NOMO2: variants seen among roughly 807,000 people sequenced by gnomAD.
NOMO2 encodes BOS complex subunit NOMO2.
A neutral mutation model predicts 67.1 loss-of-function variants in NOMO2; 14 were observed. The observed-to-expected ratio is 0.21, with a 90% CI of 0.14 to 0.33. The LOEUF (loss-of-function observed/expected upper bound fraction) is 0.33. NOMO2 is among the 10% of genes least tolerant of loss of function. NOMO2 has a pLI of 1.00. For missense variants in NOMO2, 178 were observed against 761.0 expected (o/e 0.23, Z 9.01); for synonymous variants, 80 against 305.9 (o/e 0.26, Z 7.71).
chr16:18,543,103 C>T (rs1186497069), intron 7 of NOMO2, among the ~76,000 whole-genome samples: 1 of 132,170 alleles, frequency 7.6e-6, no homozygotes, highest in Non-Finnish European at 1.6e-5. Flanking sequence ...AGCCTGTGTA[C>T]TTTCCATCAC....
At chr16:18,552,811 G>A (rs1367643079) in intron 3 of NOMO2, among the ~76,000 whole-genome samples, 1 of 151,918 alleles carries the variant, frequency 6.6e-6, no homozygotes, top group African/African-American at 2.4e-5. Context: ...CAGCTCTATG[G>A]CTCAGCGACT....
intron 14 of NOMO2, among the ~76,000 whole-genome samples, chr16:18,529,841 G>A (rs1423770900): frequency 5.3e-5 from 8 of 151,366 alleles, no homozygotes; most frequent in African/African-American, 1.5e-4. Context: ...GGAGTCGAGC[G>A]TGGTGGCTCA....
intron 15 of NOMO2, among the ~76,000 whole-genome samples, chr16:18,528,897 G>A (rs1286940585): frequency 1.4e-5 from 2 of 145,794 alleles, no homozygotes; most frequent in Non-Finnish European, 3.0e-5. Context: ...GAACTCGGGA[G>A]GCGGAGGTTT....
intron 2 of NOMO2, among the ~76,000 whole-genome samples, chr16:18,557,058 T>C (rs1305902846): frequency 2.0e-5 from 3 of 150,904 alleles, no homozygotes; most frequent in African/African-American, 7.3e-5. Context: ...ACCTGGGGGG[T>C]GGAGGTTGGA....
intron 16 of NOMO2, among the ~76,000 whole-genome samples, chr16:18,526,725 G>A (rs938969596): frequency 6.6e-6 from 1 of 151,938 alleles, no homozygotes; most frequent in South Asian, 2.1e-4. Flanking sequence ...ATAGATCAGT[G>A]GCTGGCCATG....
intron 14 of NOMO2, among the ~76,000 whole-genome samples, chr16:18,530,589 C>CT (rs1442537827): frequency 1.7e-4 from 25 of 145,170 alleles, no homozygotes; most frequent in Admixed American, 1.5e-3. Flanking sequence ...GCACAACGGG[C>CT]TTTATAAACT....
At chr16:18,533,522 G>A (rs1424946457) in intron 11 of NOMO2, 10 of 211,336 alleles carry the variant, frequency 4.7e-5, no homozygotes, top group South Asian at 1.5e-4. Flanking sequence ...TAATTGGATC[G>A]TTGACAGCGG....
Position 18,540,061 on chromosome 16 carries a change from T to G in NOMO2, c.964-1097A>C, listed in dbSNP as rs558342683. 4.0e-5 allele frequency among the ~76,000 whole-genome samples: 6 copies of G among 151,750 alleles called. No individual in the cohort carries two copies. The South Asian group carries it at 1.3e-3, about 32-fold the overall frequency. Reference sequence around the variant, plus strand: ...GAGACAGGGACTTTTTCTGTCTTAGTCACCTGGTACACAGCAGGCACTCAA... The same window carrying G: ...GAGACAGGGACTTTTTCTGTCTTAGGCACCTGGTACACAGCAGGCACTCAA... On this transcript the variant is annotated intron_variant, in intron 9 of 30. Coordinates refer to ENST00000622306, the MANE Select transcript of NOMO2 (RefSeq NM_173614.4).
chr16:18,536,689 AG>A (rs1378172744), intron 11 of NOMO2, among the ~76,000 whole-genome samples: 1 of 152,164 alleles, frequency 6.6e-6, no homozygotes, highest in Non-Finnish European at 1.5e-5. Flanking sequence ...TCTCCCTGGA[AG>A]GGTGAAAGCC....
chr16:18,547,497 T>C (rs990306034), intron 5 of NOMO2, among the ~76,000 whole-genome samples, 197 bp from the exon 6 acceptor site: 1 of 151,944 alleles, frequency 6.6e-6, no homozygotes, highest in Admixed American at 6.6e-5. Flanking sequence ...GCACTTACTG[T>C]GTGTCAAGAG....
chr16:18,556,426 G>A (rs1344391678), intron 2 of NOMO2, among the ~76,000 whole-genome samples: 2 of 150,352 alleles, frequency 1.3e-5, no homozygotes, highest in Non-Finnish European at 3.0e-5. Flanking sequence ...CTGGCTGACA[G>A]AGTGAGACTC....
intron 5 of NOMO2, among the ~76,000 whole-genome samples, chr16:18,549,154 A>AT (rs928734272): frequency 6.6e-6 from 1 of 151,366 alleles, no homozygotes; most frequent in Non-Finnish European, 1.5e-5. Flanking sequence ...ACTTGATATA[A>AT]TTTTTTAAAT....
intron 1 of NOMO2, among the ~76,000 whole-genome samples, chr16:18,561,327 C>T (rs1232421586): frequency 3.3e-5 from 5 of 151,444 alleles, no homozygotes; most frequent in Admixed American, 1.3e-4. Flanking sequence ...CTTTCCGGCC[C>T]TAGGGTTGCC....
At chr16:18,520,389 T>A (rs1901031431) in intron 20 of NOMO2, among the ~76,000 whole-genome samples, 2 of 145,672 alleles carry the variant, frequency 1.4e-5, no homozygotes, top group Admixed American at 6.9e-5. Flanking sequence ...CATCCATCCA[T>A]CCATCCATCC....
intron 11 of NOMO2, among the ~76,000 whole-genome samples, chr16:18,535,192 C>T (rs1901388976): frequency 7.0e-6 from 1 of 142,006 alleles, no homozygotes; most frequent in African/African-American, 2.6e-5. Flanking sequence ...AAAAATTAGC[C>T]TGTAATCCCA....
At chr16:18,530,821 G>A (rs1281447301) in intron 14 of NOMO2, among the ~76,000 whole-genome samples, 11 of 89,574 alleles carry the variant, frequency 1.2e-4, no homozygotes, top group Non-Finnish European at 1.7e-4. Context: ...AACAGAAGCC[G>A]CCAGTGGGCT....
In NOMO2 at chr16:18,536,361, T is replaced by C. The variant is rs568970053; in HGVS notation, c.1220+2165A>G. Reference sequence around the variant, plus strand: ...CAGAGCTCCCACTCTAAATTAGCTCTTCTTGCAGCACCCTGATCTCTTCCC... The same window carrying C: ...CAGAGCTCCCACTCTAAATTAGCTCCTCTTGCAGCACCCTGATCTCTTCCC... On this transcript the variant is annotated intron_variant, in intron 11 of 30. Transcript: ENST00000622306. Among the ~76,000 whole-genome samples, 9 of 152,380 alleles carry C rather than the reference T, an allele frequency of 5.9e-5. No individual in the cohort carries two copies. The South Asian group carries it at 1.7e-3, about 28-fold the overall frequency.
intron 2 of NOMO2, 88 bp from the exon 3 acceptor site, chr16:18,554,940 A>AT (rs1454645577): frequency 2.6e-6 from 1 of 382,340 alleles, no homozygotes; most frequent in African/African-American, 2.7e-5. Context: ...TTAATCTAAA[A>AT]TTTTTTTACA....
At chr16:18,529,055 C>T (rs1901230437) in intron 15 of NOMO2, among the ~76,000 whole-genome samples, 1 of 97,472 alleles carries the variant, frequency 1.0e-5, no homozygotes, top group African/African-American at 3.7e-5. Context: ...GAGAAACTCA[C>T]TTGGCAGTAC....
Sources: allele counts gnomAD v4.1 joint callset (sites outside exome capture counted in the v4.1 genomes callset), GRCh38; gene constraint gnomAD v4.1.1; transcripts MANE v1.5; gene names NCBI Gene and HGNC (gene_info 2026-07-23, HGNC 2026-07-21).